The following SLC34A2 variants were observed in gnomAD, a reference collection of about 807,000 sequenced individuals.
The protein encoded by SLC34A2 is solute carrier family 34 member 2.
SLC34A2 carries 41 observed loss-of-function variants against 50.8 expected under a neutral mutation model. The observed-to-expected ratio is 0.81, with a 90% CI of 0.63 to 1.05. SLC34A2 has a LOEUF of 1.05. SLC34A2 is among the 50% of genes least tolerant of loss of function. SLC34A2 has a pLI of 0.00. For missense variants in SLC34A2, 879 were observed against 876.7 expected, an observed-to-expected ratio of 1.00 and a Z score of -0.03; for synonymous variants, 401 against 364.2, an observed-to-expected ratio of 1.10 and a Z score of -1.15.
Position 25,662,568 on chromosome 4 carries a change from G to T in SLC34A2, c.68G>T (p.Gly23Val), listed in dbSNP as rs1203284366. The stretch of plus-strand genomic sequence containing the variant: ...GATAAGTACCTCGAAGGGGCCGCAG[G>T]TCAGCAGCCCACTGCCCCTGATAAA... ...NPDKYLEGAAGQQPTAPDKSK... is the reference protein window; with the variant it reads ...NPDKYLEGAAVQQPTAPDKSK... The change falls in exon 2 of 13, where the codon GGT (glycine) becomes GTT (valine). Residue 23 changes from glycine to valine, a missense_variant. Physicochemically the swap from Gly to Val is moderately radical, Grantham distance 109. Transcript: ENST00000382051. 1 of 1,614,094 alleles carries T rather than the reference G, an allele frequency of 6.2e-7. No individual in the cohort carries two copies.
chr4:25,673,217 G>A lies in SLC34A2; in HGVS notation c.1179G>A (p.Gly393=), dbSNP rs1270635583. 1 of 1,614,032 alleles carries A rather than the reference G, an allele frequency of 6.2e-7. No individual in the cohort carries two copies. Among genetic ancestry groups the A allele is most frequent in the East Asian group, 2.2e-5 (1 of 44,876 alleles). Residue 393 remains glycine, a synonymous_variant, in exon 10 of 13, where the codon GGG becomes GGA. Coordinates refer to ENST00000382051, the MANE Select transcript of SLC34A2 (RefSeq NM_006424.3). ...IVKILGSVLK[G]QVATVIKKTI... is the part of the protein sequence containing the mutation. ...AGATCCTGGGCTCTGTGCTCAAGGG[G>A]CAGGTCGCCACTGTCATCAAGAAGA...
chr4:25,673,585 C>T (rs909348928), intron 10 of SLC34A2, among the ~76,000 whole-genome samples: 2 of 152,066 alleles, frequency 1.3e-5, no homozygotes, highest in African/African-American at 2.4e-5. Flanking sequence ...AAAAGGACCC[C>T]AGGTGTCTGC....
Position 25,665,065 on chromosome 4 carries a change from T to G in SLC34A2, c.379+735T>G, listed in dbSNP as rs115978014. The G allele has an allele frequency of 8.8e-4, 199 of 225,556 alleles. 1 individual carries two copies. The highest frequency in any genetic ancestry group is 4.3e-3 in the African/African-American group (191 of 44,936). The allele number at this position is 225,556 out of a possible 1,614,324, so 14.0% of individuals were successfully genotyped here. ...AAAGGACCATGGATTTCTGCAACCCTTGGTGCCTTTCTTGGGAACCCATCT... is the reference window on the plus strand; with the variant it reads ...AAAGGACCATGGATTTCTGCAACCCGTGGTGCCTTTCTTGGGAACCCATCT... On this transcript the variant is annotated intron_variant, in intron 4 of 12. Coordinates refer to ENST00000382051, the MANE Select transcript of SLC34A2 (RefSeq NM_006424.3).
intron 4 of SLC34A2, among the ~76,000 whole-genome samples, chr4:25,665,915 G>A (rs561377382): frequency 6.6e-6 from 1 of 152,244 alleles, no homozygotes; most frequent in East Asian, 1.9e-4. Context: ...CAGGAGGCAC[G>A]TGTGGGCAGC....
At chr4:25,672,691 G>A (rs1024444756) in intron 9 of SLC34A2, among the ~76,000 whole-genome samples, 1 of 152,030 alleles carries the variant, frequency 6.6e-6, no homozygotes, top group Non-Finnish European at 1.5e-5. Flanking sequence ...GGGGGATGCA[G>A]AAGGGGCTTT....
At position 25,676,570 on chromosome 4, in the gene SLC34A2, C is replaced by T. The variant is rs775316978; in HGVS notation, c.1894C>T (p.Leu632=). Residue 632 remains leucine, a synonymous_variant, in exon 13 of 13, where the codon CTG becomes TTG. Transcript: ENST00000382051. ...CRVCCRACCL[L]CDCPKCCRCS... ...CGTGTGCTGCCGCGCGTGCTGCTTGCTGTGTGACTGCCCCAAGTGCTGCCG... is the reference window on the plus strand; with the variant it reads ...CGTGTGCTGCCGCGCGTGCTGCTTGTTGTGTGACTGCCCCAAGTGCTGCCG... 2.5e-6 allele frequency: 4 copies of T among 1,612,818 alleles called. No homozygotes were observed. In the African/African-American group the frequency reaches 5.3e-5, roughly 22 times the overall value.
At position 25,676,067 on chromosome 4, in the gene SLC34A2, C is replaced by T. The variant is rs1715090892; in HGVS notation, c.1459-68C>T. On this transcript the variant is annotated intron_variant, in intron 12 of 12. Transcript: ENST00000382051. ...GTGATGCCTGCTAGCTTACCTCCCC[C>T]TCCTCCTCCCTACTGCCACCCGCAT... 15 of 1,595,524 alleles carry T rather than the reference C, an allele frequency of 9.4e-6. No individual in the cohort carries two copies. The South Asian group carries it at 1.7e-4, about 18-fold the overall frequency.
At chr4:25,673,517 T>C (rs991615608) in intron 10 of SLC34A2, among the ~76,000 whole-genome samples, 13 of 152,158 alleles carry the variant, frequency 8.5e-5, no homozygotes, top group Admixed American at 5.2e-4. Context: ...CAGGCCTTCC[T>C]TCTTAGCGGG....
chr4:25,667,489 G>A (rs566179727), intron 5 of SLC34A2, among the ~76,000 whole-genome samples: 4 of 152,326 alleles, frequency 2.6e-5, no homozygotes, highest in African/African-American at 7.2e-5. Context: ...TCCAGCCTGG[G>A]AGACAGAGCG....
At chr4:25,671,536 C>G in intron 8 of SLC34A2, 65 bp from the exon 9 acceptor site, 1 of 1,611,090 alleles carries the variant, frequency 6.2e-7, no homozygotes, top group Non-Finnish European at 8.5e-7. Flanking sequence ...TTCCCACCCC[C>G]GCCATTGCCT....
intron 1 of SLC34A2, among the ~76,000 whole-genome samples, chr4:25,661,053 C>A (rs1218836570): frequency 6.6e-6 from 1 of 152,162 alleles, no homozygotes; most frequent in Non-Finnish European, 1.5e-5. Context: ...GTAAGAAGGT[C>A]TTTTCTGAAG....
chr4:25,666,281 G>A lies in SLC34A2; in HGVS notation c.523+10G>A, dbSNP rs755302044. ...ATGGTGTCCTCTTCATGTGAGTCGG[G>A]GCACCCATGAGCCCACCTGCATTCC... On this transcript the variant is annotated intron_variant, in intron 5 of 12. Transcript: ENST00000382051. 1.2e-6 allele frequency: 2 copies of A among 1,613,330 alleles called. No individual in the cohort carries two copies. Among genetic ancestry groups the A allele is most frequent in the Non-Finnish European group, 1.7e-6 (2 of 1,179,928 alleles).
chr4:25,664,178 T>TGG, intron 3 of SLC34A2, 24 bp from the exon 4 acceptor site: 2 of 1,607,198 alleles, frequency 1.2e-6, no homozygotes, highest in South Asian at 1.1e-5. Flanking sequence ...TTTCTCTCTC[T>TGG]CCCCCCATCC....
chr4:25,674,226 C>G, intron 10 of SLC34A2, 70 bp from the exon 11 acceptor site: 1 of 1,151,326 alleles, frequency 8.7e-7, no homozygotes, highest in Non-Finnish European at 1.3e-6. Flanking sequence ...CTAAGCCCAG[C>G]CCCTACCCCA....
intron 9 of SLC34A2, 38 bp from the exon 10 acceptor site, chr4:25,673,049 T>C: frequency 6.2e-7 from 1 of 1,608,684 alleles, no homozygotes; most frequent in South Asian, 1.1e-5. Context: ...CCGTGGTGGC[T>C]CCATGCCCTC....
At chr4:25,675,780 CCTGGCCTCT>C (rs556256479) in intron 12 of SLC34A2, among the ~76,000 whole-genome samples, 2 of 152,212 alleles carry the variant, frequency 1.3e-5, no homozygotes, top group Non-Finnish European at 2.9e-5. Context: ...TGACCAAGCG[CCTGGCCTCT>C]GGAGCCAGGC....
At chr4:25,666,537 C>T (rs946979018) in intron 5 of SLC34A2, among the ~76,000 whole-genome samples, 1 of 152,182 alleles carries the variant, frequency 6.6e-6, no homozygotes, top group African/African-American at 2.4e-5. Context: ...GACCTGTAGC[C>T]ACTAGCCACA....
chr4:25,672,156 G>A (rs550186513), intron 9 of SLC34A2, among the ~76,000 whole-genome samples: 1 of 152,302 alleles, frequency 6.6e-6, no homozygotes, highest in South Asian at 2.1e-4. Flanking sequence ...CCAACATGGT[G>A]AAACCCTGTT....
intron 12 of SLC34A2, 46 bp from the exon 13 acceptor site, chr4:25,676,089 G>T: frequency 6.2e-7 from 1 of 1,610,002 alleles, no homozygotes. Context: ...ACTGCCACCC[G>T]CATTGGGCAA....
Sources: allele counts gnomAD v4.1 joint callset (sites outside exome capture counted in the v4.1 genomes callset), GRCh38; gene constraint gnomAD v4.1.1; transcripts MANE v1.5; gene names NCBI Gene and HGNC (gene_info 2026-07-23, HGNC 2026-07-21).